EPM2A: variants seen among roughly 807,000 people sequenced by gnomAD.
The protein encoded by EPM2A is laforin.
Under a neutral mutation model 26.5 loss-of-function variants are expected in EPM2A, and 21 were observed. That is an observed-to-expected ratio of 0.79 (90% CI 0.56 to 1.14). The LOEUF is 1.14. Among genes scored for constraint, EPM2A ranks in the 50% most tolerant of loss-of-function variants. The pLI is 0.00. For missense variants in EPM2A, 458 were observed against 440.8 expected, an observed-to-expected ratio of 1.04 and a Z score of -0.35; for synonymous variants, 217 against 177.6, an observed-to-expected ratio of 1.22 and a Z score of -1.76.
intron 2 of EPM2A, among the ~76,000 whole-genome samples, chr6:145,609,035 T>C (rs924858202): frequency 1.3e-5 from 2 of 152,240 alleles, no homozygotes; most frequent in Non-Finnish European, 2.9e-5. Flanking sequence ...CAAGCAGCTG[T>C]TGTCCTTTGA....
At chr6:145,504,487 T>C (rs1403308809) in intron 2 of EPM2A, among the ~76,000 whole-genome samples, 8 of 114,714 alleles carry the variant, frequency 7.0e-5, no homozygotes, top group African/African-American at 2.3e-4. Flanking sequence ...AAAAAACACA[T>C]GAAAAAATGC....
At chr6:145,506,159 T>C (rs1261172150) in intron 2 of EPM2A, among the ~76,000 whole-genome samples, 2 of 152,192 alleles carry the variant, frequency 1.3e-5, no homozygotes, top group African/African-American at 4.8e-5. Context: ...TTTCCTTTGG[T>C]TTAGGGAGCA....
intron 2 of EPM2A, among the ~76,000 whole-genome samples, chr6:145,619,083 T>A (rs1412468749): frequency 1.3e-5 from 2 of 152,130 alleles, no homozygotes; most frequent in Non-Finnish European, 2.9e-5. Flanking sequence ...AAAGATGGCA[T>A]TCAAGTTTCT....
At chr6:145,434,174 T>A (rs1374875585) in intron 4 of EPM2A, among the ~76,000 whole-genome samples, 4 of 152,120 alleles carry the variant, frequency 2.6e-5, no homozygotes, top group African/African-American at 9.7e-5. Context: ...AAACTTGGTG[T>A]TAACTGTTGA....
At chr6:145,466,913 C>T (rs1019618512) in intron 4 of EPM2A, among the ~76,000 whole-genome samples, 17 of 152,076 alleles carry the variant, frequency 1.1e-4, no homozygotes, top group Admixed American at 1.0e-3. Context: ...AAACACCACA[C>T]ATTCTCACTC....
chr6:145,469,600 A>G (rs887650889), intron 4 of EPM2A, among the ~76,000 whole-genome samples: 2 of 152,142 alleles, frequency 1.3e-5, no homozygotes, highest in African/African-American at 4.8e-5. Flanking sequence ...CAACTACTAT[A>G]AAGAACAGTT....
chr6:145,497,596 G>A (rs73562628), downstream of EPM2A, among the ~76,000 whole-genome samples: 10,604 of 56,362 alleles, frequency 0.19, 1,240 homozygotes, highest in African/African-American at 0.43. Flanking sequence ...TATTGCTTCC[G>A]TCTGTGGTAA....
At chr6:145,401,735 T>A (rs1778493186) in intron 4 of EPM2A, among the ~76,000 whole-genome samples, 1 of 152,108 alleles carries the variant, frequency 6.6e-6, no homozygotes, top group African/African-American at 2.4e-5. Flanking sequence ...TCAATTTACA[T>A]CTGAACATCT....
At chr6:145,419,190 C>T (rs564698452) in intron 4 of EPM2A, among the ~76,000 whole-genome samples, 9 of 148,994 alleles carry the variant, frequency 6.0e-5, no homozygotes, top group Admixed American at 4.7e-4. Flanking sequence ...TCCCCCCCCC[C>T]CGCTCCTTTC....
At chr6:145,703,606 T>G (rs895505109) in intron 1 of EPM2A, among the ~76,000 whole-genome samples, 10 of 152,348 alleles carry the variant, frequency 6.6e-5, no homozygotes, top group Non-Finnish European at 1.3e-4. Context: ...AAAATTGCAC[T>G]GATAGTCTCT....
chr6:145,717,342 C>T (rs956519866), intron 1 of EPM2A, among the ~76,000 whole-genome samples: 5 of 152,100 alleles, frequency 3.3e-5, no homozygotes, highest in Non-Finnish European at 7.4e-5. Flanking sequence ...TAATCCAGCA[C>T]ATAAACAGAA....
chr6:145,572,506 T>A (rs536168133), intron 2 of EPM2A, among the ~76,000 whole-genome samples: 2 of 152,286 alleles, frequency 1.3e-5, no homozygotes, highest in East Asian at 1.9e-4. Context: ...AAGCACTCAG[T>A]TCATGATAGG....
intron 2 of EPM2A, among the ~76,000 whole-genome samples, chr6:145,518,595 C>CAAA (rs55802475): frequency 4.9e-5 from 5 of 102,668 alleles, no homozygotes; most frequent in African/African-American, 7.4e-5. Context: ...TGAAATGCAC[C>CAAA]AAAAAAAAAA....
intron 2 of EPM2A, among the ~76,000 whole-genome samples, chr6:145,605,665 T>A (rs1181311697): frequency 6.6e-6 from 1 of 152,148 alleles, no homozygotes; most frequent in African/African-American, 2.4e-5. Flanking sequence ...GAAAGACACA[T>A]TTTACAGCAC....
At chr6:145,383,664 C>T (rs1168994476) in exon 5 of EPM2A, 1 of 152,146 alleles carries the variant, frequency 6.6e-6, no homozygotes, top group African/African-American at 2.4e-5. Flanking sequence ...CTGGGGATTC[C>T]AATTCAACAT....
intron 4 of EPM2A, among the ~76,000 whole-genome samples, chr6:145,414,342 G>T (rs1302277511): frequency 1.3e-5 from 2 of 151,648 alleles, no homozygotes; most frequent in African/African-American, 4.8e-5. Flanking sequence ...GATGCCGGTT[G>T]GTCTCTGCTT....
At chr6:145,681,165 T>G (rs1412386479) in intron 2 of EPM2A, among the ~76,000 whole-genome samples, 1 of 151,188 alleles carries the variant, frequency 6.6e-6, no homozygotes, top group Non-Finnish European at 1.5e-5. Flanking sequence ...TTTTTTCATG[T>G]GTTTTTTGGC....
chr6:145,673,711 C>A (rs1779817782), intron 2 of EPM2A, among the ~76,000 whole-genome samples: 1 of 152,072 alleles, frequency 6.6e-6, no homozygotes, highest in Non-Finnish European at 1.5e-5. Context: ...GAGGCTGCAG[C>A]CTGGTGGGGG....
At chr6:145,471,615 G>C (rs1779473991) in intron 4 of EPM2A, among the ~76,000 whole-genome samples, 1 of 152,118 alleles carries the variant, frequency 6.6e-6, no homozygotes, top group Non-Finnish European at 1.5e-5. Flanking sequence ...TATGGGCATT[G>C]GCGGAGAACA....
Sources: gnomAD v4.1 joint callset for allele counts (sites outside exome capture counted in the v4.1 genomes callset) on GRCh38, gnomAD v4.1.1 for gene constraint, MANE v1.5 for transcripts, NCBI Gene and HGNC (gene_info 2026-07-23, HGNC 2026-07-21) for gene names.